The following SPOCK1 variants were observed in gnomAD, a reference collection of about 807,000 sequenced individuals.
The protein encoded by SPOCK1 is testican-1.
A neutral mutation model predicts 55.3 loss-of-function variants in SPOCK1; 23 were observed. That is an observed-to-expected ratio of 0.42 (90% confidence interval 0.30 to 0.59). The LOEUF is 0.59. SPOCK1 is among the 20% of genes least tolerant of loss of function. The pLI is 0.22. For synonymous variants in SPOCK1, 226 were observed against 221.0 expected (o/e 1.02, Z -0.20); for missense variants, 499 against 552.5 (o/e 0.90, Z 0.97).
At chr5:137,111,967 T>G (rs1207249050) in intron 5 of SPOCK1, among the ~76,000 whole-genome samples, 1 of 152,150 alleles carries the variant, frequency 6.6e-6, no homozygotes, top group African/African-American at 2.4e-5. Flanking sequence ...AGTGCCTTAT[T>G]TGGGGCCTGT....
intron 2 of SPOCK1, among the ~76,000 whole-genome samples, chr5:137,382,773 G>A (rs190336019): frequency 1.1e-3 from 167 of 152,228 alleles, no homozygotes; most frequent in Middle Eastern, 6.8e-3. Context: ...ATGAGATTTC[G>A]GAGGGGACAC....
intron 5 of SPOCK1, among the ~76,000 whole-genome samples, chr5:137,077,839 C>A (rs557682226): frequency 2.1e-4 from 32 of 152,250 alleles, no homozygotes; most frequent in African/African-American, 6.3e-4. Context: ...GCTCATACAC[C>A]CTAGGGCCAC....
chr5:137,478,703 C>T (rs749674365), intron 2 of SPOCK1, among the ~76,000 whole-genome samples: 34 of 152,104 alleles, frequency 2.2e-4, no homozygotes, highest in African/African-American at 3.1e-4. Context: ...TAAACTACTA[C>T]GTTTCCAAGC....
intron 6 of SPOCK1, among the ~76,000 whole-genome samples, chr5:137,065,081 A>G (rs1336310641): frequency 1.3e-5 from 2 of 152,086 alleles, no homozygotes; most frequent in African/African-American, 4.8e-5. Flanking sequence ...TACAAAAATC[A>G]GCTAGGCGTG....
intron 2 of SPOCK1, among the ~76,000 whole-genome samples, chr5:137,363,960 G>A (rs1751003613): frequency 6.6e-6 from 1 of 152,202 alleles, no homozygotes; most frequent in African/African-American, 2.4e-5. Flanking sequence ...AAAGTGAGCA[G>A]TGAGGTTCAG....
At chr5:137,454,099 T>C (rs754865405) in intron 2 of SPOCK1, among the ~76,000 whole-genome samples, 8 of 152,020 alleles carry the variant, frequency 5.3e-5, no homozygotes, top group Non-Finnish European at 1.0e-4. Context: ...TATTCAAGAA[T>C]AGCATTGGTG....
intron 5 of SPOCK1, 80 bp from the exon 6 acceptor site, chr5:137,067,909 C>A: frequency 8.5e-7 from 1 of 1,179,252 alleles, no homozygotes; most frequent in Non-Finnish European, 1.3e-6. Context: ...ACAGCAGTGC[C>A]CTTTGCTTCA....
intron 3 of SPOCK1, among the ~76,000 whole-genome samples, chr5:137,218,313 GACC>G (rs1755758449): frequency 6.6e-6 from 1 of 152,232 alleles, no homozygotes; most frequent in Non-Finnish European, 1.5e-5. Context: ...TTTTCTAACT[GACC>G]AGAGAGAAAT....
At chr5:137,155,111 A>C (rs1179331091) in intron 3 of SPOCK1, among the ~76,000 whole-genome samples, 1 of 152,140 alleles carries the variant, frequency 6.6e-6, no homozygotes, top group Non-Finnish European at 1.5e-5. Context: ...TGATCTTTGC[A>C]AGTCCTCGGT....
At chr5:137,134,255 A>T (rs560442381) in intron 4 of SPOCK1, among the ~76,000 whole-genome samples, 144 of 152,374 alleles carry the variant, frequency 9.5e-4, no homozygotes, top group Non-Finnish European at 1.7e-3. Flanking sequence ...TGCCTAACAC[A>T]AGATAGGTGG....
chr5:137,362,026 A>C (rs1486262065), intron 2 of SPOCK1, among the ~76,000 whole-genome samples: 1 of 152,186 alleles, frequency 6.6e-6, no homozygotes, highest in Non-Finnish European at 1.5e-5. Flanking sequence ...AGGTGGAAGA[A>C]ATGCCACCTT....
At chr5:137,122,805 G>C (rs531282573) in intron 4 of SPOCK1, among the ~76,000 whole-genome samples, 2 of 152,360 alleles carry the variant, frequency 1.3e-5, no homozygotes, top group South Asian at 2.1e-4. Context: ...CATCAGCTTC[G>C]CTGTTCTAAT....
intron 2 of SPOCK1, among the ~76,000 whole-genome samples, chr5:137,413,517 C>G (rs915402194): frequency 6.7e-6 from 1 of 149,458 alleles, no homozygotes; most frequent in African/African-American, 2.6e-5. Context: ...GTAGTTTCCC[C>G]CTGATCTTGT....
At chr5:137,143,355 C>T (rs760447456) in intron 3 of SPOCK1, among the ~76,000 whole-genome samples, 10 of 152,172 alleles carry the variant, frequency 6.6e-5, no homozygotes, top group Non-Finnish European at 1.0e-4. Flanking sequence ...CACTGTCCTC[C>T]GGGTGGTCTC....
intron 2 of SPOCK1, among the ~76,000 whole-genome samples, chr5:137,333,735 G>A (rs1758234352): frequency 6.6e-6 from 1 of 152,080 alleles, no homozygotes; most frequent in African/African-American, 2.4e-5. Context: ...ACTGTAATCT[G>A]GTCAAAGCCG....
intron 4 of SPOCK1, among the ~76,000 whole-genome samples, chr5:137,124,036 T>G (rs1191279704): frequency 1.3e-5 from 2 of 152,002 alleles, no homozygotes; most frequent in Non-Finnish European, 2.9e-5. Flanking sequence ...ACCGCTCTGA[T>G]GCAAAGGATT....
chr5:137,452,987 G>A (rs749583732), intron 2 of SPOCK1, among the ~76,000 whole-genome samples: 5 of 152,178 alleles, frequency 3.3e-5, no homozygotes, highest in Non-Finnish European at 7.4e-5. Flanking sequence ...ACACCTTCAA[G>A]TCCATGAATC....
At chr5:137,272,987 C>T (rs1479502972) in intron 2 of SPOCK1, among the ~76,000 whole-genome samples, 4 of 152,174 alleles carry the variant, frequency 2.6e-5, no homozygotes, top group African/African-American at 7.2e-5. Context: ...AAATCACCTT[C>T]ACCCTGAATA....
chr5:137,003,530 C>T (rs1024684298), intron 6 of SPOCK1, among the ~76,000 whole-genome samples: 19 of 152,130 alleles, frequency 1.2e-4, no homozygotes, highest in African/African-American at 4.1e-4. Flanking sequence ...AAGGTAGCAC[C>T]GCTTGTTCCA....
Sources: gnomAD v4.1 joint callset for allele counts (sites outside exome capture counted in the v4.1 genomes callset) on GRCh38, gnomAD v4.1.1 for gene constraint, MANE v1.5 for transcripts, NCBI Gene and HGNC (gene_info 2026-07-23, HGNC 2026-07-21) for gene names.